The following U2SURP variants were observed in gnomAD, a reference collection of about 807,000 sequenced individuals.
The protein encoded by U2SURP is U2 snRNP associated SURP domain containing.
Under a neutral mutation model 144.9 loss-of-function variants are expected in U2SURP, and 9 were observed. The ratio of observed to expected loss-of-function variants is 0.06; its 90% CI spans 0.04 to 0.11. U2SURP has a LOEUF of 0.11. U2SURP is among the 10% of genes least tolerant of loss of function. U2SURP has a pLI of 1.00. For synonymous variants in U2SURP, 408 were observed against 396.8 expected, an observed-to-expected ratio of 1.03 and a Z score of -0.33; for missense variants, 724 against 1,226.7, an observed-to-expected ratio of 0.59 and a Z score of 6.12.
In U2SURP at chr3:143,027,179, A is replaced by T. The variant is rs145720949; in HGVS notation, c.1305A>T (p.Ile435=). 0.013 allele frequency: 21,161 copies of T among 1,612,474 alleles called. 174 individuals carry two copies. The highest frequency in any genetic ancestry group is 0.016 in the Non-Finnish European group (18,670 of 1,178,722). The change falls in exon 14 of 28, where the codon ATA becomes ATT. Residue 435 remains isoleucine (I), a synonymous_variant. Transcript: ENST00000473835. The part of the protein sequence containing the change: ...RNLLALIHRM[I]EFVVREGPMF... ...TGCTCGCCCTGATACATCGAATGATAGAGTTTGTTGTACGTGAAGGGCCAA... is the reference window on the plus strand; with the variant it reads ...TGCTCGCCCTGATACATCGAATGATTGAGTTTGTTGTACGTGAAGGGCCAA...
chr3:143,012,418 C>A, intron 3 of U2SURP, 65 bp downstream of exon 3: 1 of 1,429,654 alleles, frequency 7.0e-7, no homozygotes, highest in Non-Finnish European at 9.3e-7. Flanking sequence ...CTGTCTTTGA[C>A]TGAATTTAGT....
intron 24 of U2SURP, among the ~76,000 whole-genome samples, chr3:143,043,772 ATT>A (rs559942509): frequency 1.4e-5 from 2 of 140,722 alleles, no homozygotes; most frequent in Non-Finnish European, 1.6e-5. Context: ...TGAGAAATCC[ATT>A]TTTTTTTTTT....
chr3:143,015,775 A>G (rs1387840841), intron 4 of U2SURP, among the ~76,000 whole-genome samples: 2 of 152,016 alleles, frequency 1.3e-5, no homozygotes, highest in Non-Finnish European at 2.9e-5. Flanking sequence ...TGAAAATATC[A>G]AGATTCTTCT....
chr3:143,055,793 T>G (rs1180215540), intron 27 of U2SURP, among the ~76,000 whole-genome samples: 4 of 152,150 alleles, frequency 2.6e-5, no homozygotes, highest in African/African-American at 9.7e-5. Context: ...ACATGTATCT[T>G]TATTGGTTTA....
In U2SURP at chr3:143,036,122, G is replaced by A; in HGVS notation, c.2064+18G>A. ...AAACAGAGGTAGGCAGTCTGTATTT[G>A]TCTGGTTGTTTTTAAAATTCGTTTC... On this transcript the variant is annotated intron_variant, in intron 20 of 27. Transcript: ENST00000473835. 2 of 1,576,882 alleles carry A rather than the reference G, an allele frequency of 1.3e-6. No homozygotes were observed. Among genetic ancestry groups the A allele is most frequent in the Non-Finnish European group, 1.7e-6 (2 of 1,166,726 alleles).
chr3:143,017,795 G>A (rs183693752), intron 6 of U2SURP, among the ~76,000 whole-genome samples: 34 of 152,032 alleles, frequency 2.2e-4, no homozygotes, highest in African/African-American at 8.2e-4. Context: ...TAATTTTTTG[G>A]TATTTTTTTG....
At position 143,016,380 on chromosome 3, in the gene U2SURP, A is replaced by G. The variant is rs1049127864; in HGVS notation, c.436+9A>G. 1.2e-6 allele frequency: 2 copies of G among 1,609,102 alleles called. No individual in the cohort carries two copies. The highest frequency in any genetic ancestry group is 1.3e-5 in the African/African-American group (1 of 74,910). On this transcript the variant is annotated intron_variant, in intron 5 of 27. Transcript: ENST00000473835. ...TGTTAATGCAGCTAAAGGTAAGTTTATAAAGTATAACTGCTAATAAAGCAT... is the reference window on the plus strand; with the variant it reads ...TGTTAATGCAGCTAAAGGTAAGTTTGTAAAGTATAACTGCTAATAAAGCAT...
Position 143,057,746 on chromosome 3 carries a change from A to G in U2SURP, c.*1296A>G. ...TTTTTTCCTCCCTAAAAGAGAAAGT[A>G]GAAAACTATTCTAACAATGGATTAT... On this transcript the variant is annotated 3_prime_UTR_variant, in exon 28 of 28. Coordinates refer to ENST00000473835, the MANE Select transcript of U2SURP (RefSeq NM_001080415.2). 1 of 151,862 alleles carries G rather than the reference A, an allele frequency of 6.6e-6. No homozygotes were observed. The highest frequency in any genetic ancestry group is 1.9e-4 in the East Asian group (1 of 5,200). The allele number at this position is 151,862 out of a possible 1,614,324, so 9.4% of individuals were successfully genotyped here.
intron 16 of U2SURP, among the ~76,000 whole-genome samples, 164 bp from the exon 17 acceptor site, chr3:143,032,620 T>A (rs557479746): frequency 6.6e-6 from 1 of 152,324 alleles, no homozygotes; most frequent in Non-Finnish European, 1.5e-5. Context: ...TTCAAAAAAT[T>A]GTAACAATTT....
chr3:143,053,944 G>A (rs1461983889), intron 26 of U2SURP, 150 bp downstream of exon 26: 3 of 615,260 alleles, frequency 4.9e-6, no homozygotes, highest in Admixed American at 3.2e-5. Context: ...AGAAATAGCG[G>A]AGAAATGGGG....
At position 143,022,592 on chromosome 3, in the gene U2SURP, A is replaced by G. The variant is rs1453488602; in HGVS notation, c.948A>G (p.Arg316=). ...CTAGAACTGATGAAGAAAGAGCCAGAGAGAGAAATTGCGGCTTTGTGGCCT... is the reference window on the plus strand; with the variant it reads ...CTAGAACTGATGAAGAAAGAGCCAGGGAGAGAAATTGCGGCTTTGTGGCCT... ...MWPRTDEERA[R]ERNCGFVAFM... Residue 316 remains arginine, a synonymous_variant, in exon 11 of 28, where the codon AGA becomes AGG. Transcript: ENST00000473835. 1 of 1,613,802 alleles carries G rather than the reference A, an allele frequency of 6.2e-7. No individual in the cohort carries two copies. The highest frequency in any genetic ancestry group is 1.3e-5 in the African/African-American group (1 of 74,942).
intron 20 of U2SURP, 76 bp from the exon 21 acceptor site, chr3:143,037,103 G>T: frequency 7.0e-7 from 1 of 1,433,086 alleles, no homozygotes. Context: ...GCTTGTACTG[G>T]ATTACAAATT....
intron 17 of U2SURP, 113 bp downstream of exon 17, chr3:143,033,059 A>ATTC: frequency 8.1e-7 from 1 of 1,232,478 alleles, no homozygotes. Flanking sequence ...ATGCAGTCTT[A>ATTC]TGTTATTTCT....
chr3:143,046,896 C>T (rs1349890620), intron 24 of U2SURP, among the ~76,000 whole-genome samples: 2 of 126,786 alleles, frequency 1.6e-5, no homozygotes, highest in African/African-American at 3.4e-5. Flanking sequence ...TAGGGGCGGC[C>T]GGGCAGAGGC....
chr3:143,037,123 A>G, intron 20 of U2SURP, 56 bp from the exon 21 acceptor site: 1 of 1,541,560 alleles, frequency 6.5e-7, no homozygotes, highest in Non-Finnish European at 8.8e-7. Flanking sequence ...TAATCTTACA[A>G]GCAATGTGAC....
intron 1 of U2SURP, among the ~76,000 whole-genome samples, chr3:143,002,050 G>C (rs1935562151): frequency 6.6e-6 from 1 of 152,242 alleles, no homozygotes; most frequent in Admixed American, 6.5e-5. Flanking sequence ...GCTTCCCGGT[G>C]CTTAAATGTC....
intron 2 of U2SURP, among the ~76,000 whole-genome samples, chr3:143,011,122 C>G (rs1936103579): frequency 6.6e-6 from 1 of 151,720 alleles, no homozygotes; most frequent in Non-Finnish European, 1.5e-5. Flanking sequence ...CATAACGTAT[C>G]TATACTTATA....
intron 14 of U2SURP, 123 bp from the exon 15 acceptor site, chr3:143,028,217 G>A: frequency 8.7e-7 from 1 of 1,149,618 alleles, no homozygotes; most frequent in African/African-American, 1.6e-5. Context: ...TCTCTTCAGG[G>A]ATCTTTGTTT....
At chr3:143,055,456 A>G (rs1055836502) in intron 27 of U2SURP, among the ~76,000 whole-genome samples, 1 of 152,192 alleles carries the variant, frequency 6.6e-6, no homozygotes, top group African/African-American at 2.4e-5. Context: ...TGAAAGAAAC[A>G]CACATTTTTC....
Sources: gnomAD v4.1 joint callset for allele counts (sites outside exome capture counted in the v4.1 genomes callset) on GRCh38, gnomAD v4.1.1 for gene constraint, MANE v1.5 for transcripts, NCBI Gene and HGNC (gene_info 2026-07-23, HGNC 2026-07-21) for gene names.